RNF150: variants seen among roughly 807,000 people sequenced by gnomAD.
RNF150 encodes the protein ring finger protein 150.
In RNF150, 24 loss-of-function variants were observed where a neutral mutation model predicts 39.3. The observed-to-expected ratio is 0.61, with a 90% CI of 0.44 to 0.86. The LOEUF (loss-of-function observed/expected upper bound fraction) is 0.86. Ranked by LOEUF, RNF150 falls within the 40% of genes least tolerant of loss-of-function variation. The probability of loss-of-function intolerance (pLI) is 0.00; values close to 1 mark genes in which losing one functional copy is unlikely to be tolerated. For missense variants in RNF150, 502 were observed against 587.8 expected (o/e 0.85, Z 1.51); for synonymous variants, 255 against 227.3 (o/e 1.12, Z -1.10).
At chr4:141,117,681 G>T (rs1204315616) in intron 1 of RNF150, among the ~76,000 whole-genome samples, 1 of 152,178 alleles carries the variant, frequency 6.6e-6, no homozygotes, top group Non-Finnish European at 1.5e-5. Flanking sequence ...AATAGCTCTG[G>T]ATTAAAATCC....
chr4:140,938,798 G>C (rs1560977559), intron 4 of RNF150, among the ~76,000 whole-genome samples: 2 of 152,132 alleles, frequency 1.3e-5, no homozygotes, highest in African/African-American at 2.4e-5. Flanking sequence ...TCTGGCAGGG[G>C]AAAAATGCCA....
At chr4:140,893,401 G>A (rs765942855) in intron 6 of RNF150, among the ~76,000 whole-genome samples, 4 of 152,128 alleles carry the variant, frequency 2.6e-5, no homozygotes, top group Non-Finnish European at 5.9e-5. Context: ...CTGGGGAAGG[G>A]GACTTATGCT....
chr4:140,955,567 T>C (rs1732716750), intron 2 of RNF150, among the ~76,000 whole-genome samples: 2 of 152,160 alleles, frequency 1.3e-5, no homozygotes, highest in Non-Finnish European at 2.9e-5. Flanking sequence ...AGGGAGACAA[T>C]GTGCTTTGAG....
At chr4:140,942,389 G>T (rs1732123673) in intron 4 of RNF150, among the ~76,000 whole-genome samples, 1 of 152,194 alleles carries the variant, frequency 6.6e-6, no homozygotes, top group Non-Finnish European at 1.5e-5. Flanking sequence ...CTGCTTCAAT[G>T]TGCCGATGTT....
chr4:141,206,907 C>T (rs1728384127), intron 1 of RNF150, among the ~76,000 whole-genome samples: 1 of 151,764 alleles, frequency 6.6e-6, no homozygotes. Flanking sequence ...CCTGAGAACC[C>T]CCGAGAAGCT....
At chr4:140,968,811 T>C (rs938560416) in intron 1 of RNF150, among the ~76,000 whole-genome samples, 4 of 151,808 alleles carry the variant, frequency 2.6e-5, no homozygotes, top group African/African-American at 7.3e-5. Context: ...CAAGGAGTTC[T>C]TCAGTAATAT....
At chr4:140,886,460 A>G (rs1192561818) in intron 6 of RNF150, among the ~76,000 whole-genome samples, 1 of 152,122 alleles carries the variant, frequency 6.6e-6, no homozygotes, top group Non-Finnish European at 1.5e-5. Context: ...CCATTTTTAA[A>G]TTGGGTTGTT....
chr4:140,918,762 C>A (rs572662554), intron 5 of RNF150, among the ~76,000 whole-genome samples: 372 of 151,992 alleles, frequency 2.4e-3, no homozygotes, highest in Non-Finnish European at 4.2e-3. Context: ...ATATCCTTGA[C>A]GAAAATTGAT....
At position 141,132,689 on chromosome 4, in the gene RNF150, G is replaced by A. The variant is rs1274169491; in HGVS notation, c.120C>T (p.Tyr40=). The A allele has an allele frequency of 6.2e-7, 1 of 1,609,290 alleles. No individual in the cohort carries two copies. The highest frequency in any genetic ancestry group is 8.5e-7 in the Non-Finnish European group (1 of 1,178,248). ...CGTAGGTGATGTTCACGAAGGCGGT[G>A]TACCATTCCTCCTTCTCGGCCACGG... is the stretch of plus-strand genomic sequence containing the variant. ...DFTVAEKEEW[Y]TAFVNITYAE... Residue 40 remains tyrosine (Y), a synonymous_variant, in exon 1 of 7, where the codon TAC becomes TAT. Coordinates refer to ENST00000515673, the MANE Select transcript of RNF150 (RefSeq NM_020724.2). The surrounding 1 kb of genome is among the most constrained non-coding windows in gnomAD (Gnocchi z 4.9).
intron 1 of RNF150, among the ~76,000 whole-genome samples, chr4:141,183,862 A>G (rs986958319): frequency 2.0e-5 from 3 of 152,174 alleles, no homozygotes; most frequent in African/African-American, 7.2e-5. Context: ...CCGGCAGAGT[A>G]TTCCATGGTG....
At chr4:141,103,352 CT>C (rs142423153) in intron 1 of RNF150, among the ~76,000 whole-genome samples, 33 of 152,258 alleles carry the variant, frequency 2.2e-4, no homozygotes, top group African/African-American at 7.7e-4. Context: ...TTAATGATGG[CT>C]TCTATGAGCT....
chr4:141,046,628 C>G (rs34625076), intron 1 of RNF150, among the ~76,000 whole-genome samples: 15,130 of 152,158 alleles, frequency 0.099, 906 homozygotes, highest in Admixed American at 0.15. Flanking sequence ...CTGTGTTGCT[C>G]TGTACCCATG....
chr4:140,986,812 A>G (rs1401952182), intron 1 of RNF150, among the ~76,000 whole-genome samples: 1 of 152,056 alleles, frequency 6.6e-6, no homozygotes, highest in Non-Finnish European at 1.5e-5. Flanking sequence ...AAGGCATCCA[A>G]AAAGGAAAAG....
intron 1 of RNF150, among the ~76,000 whole-genome samples, chr4:141,015,547 C>T (rs774798127): frequency 6.6e-6 from 1 of 151,764 alleles, no homozygotes; most frequent in African/African-American, 2.4e-5. Flanking sequence ...ATTTCTTTTT[C>T]AGATAGTTTG....
At chr4:141,012,895 T>C (rs1482726305) in intron 1 of RNF150, among the ~76,000 whole-genome samples, 1 of 151,234 alleles carries the variant, frequency 6.6e-6, no homozygotes, top group Non-Finnish European at 1.5e-5. Context: ...GGAAGTAATA[T>C]TAATTGAGTG....
chr4:140,905,231 T>A (rs1465163919), intron 6 of RNF150, among the ~76,000 whole-genome samples: 2 of 150,988 alleles, frequency 1.3e-5, no homozygotes, highest in Non-Finnish European at 2.9e-5. Context: ...TATACATATA[T>A]ATTTTTTTTT....
At chr4:140,949,097 T>C (rs1457622197) in intron 3 of RNF150, among the ~76,000 whole-genome samples, 2 of 152,238 alleles carry the variant, frequency 1.3e-5, no homozygotes, top group Admixed American at 6.5e-5. Context: ...ATATTTTCTA[T>C]ACAACTATTT....
At chr4:140,949,394 G>T (rs1456147196) in intron 2 of RNF150, 22 bp from the exon 3 acceptor site, 2 of 1,605,086 alleles carry the variant, frequency 1.2e-6, no homozygotes, top group Admixed American at 3.3e-5. Context: ...AAACGTGCTT[G>T]TTAATAATAA....
chr4:141,169,366 T>C (rs916193875), intron 1 of RNF150, among the ~76,000 whole-genome samples: 6 of 152,166 alleles, frequency 3.9e-5, no homozygotes, highest in Non-Finnish European at 8.8e-5. Context: ...CTGAACAGCC[T>C]GAGGAACCAT....
Sources: gnomAD v4.1 joint callset for allele counts (sites outside exome capture counted in the v4.1 genomes callset) on GRCh38, gnomAD v4.1.1 for gene constraint, Gnocchi (gnomAD v3.1) non-coding constraint, MANE v1.5 for transcripts, NCBI Gene and HGNC (gene_info 2026-07-23, HGNC 2026-07-21) for gene names.